The following SYT1 variants were observed in gnomAD, a reference collection of about 807,000 sequenced individuals.
SYT1 encodes the protein synaptotagmin-1.
A neutral mutation model predicts 44.8 loss-of-function variants in SYT1; 8 were observed. The ratio of observed to expected loss-of-function variants is 0.18; its 90% CI spans 0.10 to 0.32. The LOEUF (loss-of-function observed/expected upper bound fraction) is 0.32, where lower values mean the gene tolerates loss of function less well. Among genes scored for constraint, SYT1 ranks in the 10% least tolerant of loss-of-function variants. The pLI, the probability that SYT1 is intolerant of heterozygous loss-of-function variation, is 1.00. For missense variants in SYT1, 286 were observed against 509.3 expected (o/e 0.56, Z 4.22); for synonymous variants, 154 against 188.8 (o/e 0.82, Z 1.51).
chr12:78,904,425 T>A (rs551266564), intron 1 of SYT1, among the ~76,000 whole-genome samples: 1 of 152,218 alleles, frequency 6.6e-6, no homozygotes, highest in African/African-American at 2.4e-5. Context: ...TGGAAAAAAA[T>A]AATGTACTGG....
At chr12:78,917,441 T>C (rs11111879) in intron 1 of SYT1, among the ~76,000 whole-genome samples, 11,768 of 151,876 alleles carry the variant, frequency 0.077, 739 homozygotes, top group African/African-American at 0.17. Context: ...AAGGGGAACA[T>C]CACACACTGG....
intron 2 of SYT1, among the ~76,000 whole-genome samples, chr12:79,017,455 A>G (rs982632599): frequency 6.6e-6 from 1 of 152,150 alleles, no homozygotes; most frequent in African/African-American, 2.4e-5. Context: ...TAGTTCAAAA[A>G]TATAACAGAG....
chr12:79,353,426 A>C (rs371058078), intron 8 of SYT1, 76 bp from the exon 9 acceptor site: 1 of 1,138,352 alleles, frequency 8.8e-7, no homozygotes, highest in Non-Finnish European at 1.3e-6. Context: ...CTCTTGAAGA[A>C]TTTACAATAT....
At chr12:79,394,713 C>A (rs1417447848) in intron 9 of SYT1, among the ~76,000 whole-genome samples, 1 of 152,138 alleles carries the variant, frequency 6.6e-6, no homozygotes, top group East Asian at 1.9e-4. Context: ...TAATACCTAA[C>A]TAGAATTCAT....
At chr12:78,981,215 A>G (rs1016531099) in intron 2 of SYT1, among the ~76,000 whole-genome samples, 2 of 147,416 alleles carry the variant, frequency 1.4e-5, no homozygotes, top group East Asian at 2.0e-4. Context: ...GCAACCTCCA[A>G]CTCCCAGGTT....
intron 9 of SYT1, among the ~76,000 whole-genome samples, chr12:79,386,984 A>C (rs1038317940): frequency 6.6e-6 from 1 of 152,182 alleles, no homozygotes; most frequent in Non-Finnish European, 1.5e-5. Flanking sequence ...GAGCCATTCT[A>C]AACATATCTG....
chr12:79,402,506 G>A (rs958779733), intron 9 of SYT1, among the ~76,000 whole-genome samples: 4 of 152,112 alleles, frequency 2.6e-5, no homozygotes, highest in African/African-American at 7.2e-5. Context: ...TCTTGGATGG[G>A]CAGCCTAAGA....
At chr12:79,250,883 C>T (rs565752025) in intron 4 of SYT1, among the ~76,000 whole-genome samples, 37 of 152,252 alleles carry the variant, frequency 2.4e-4, no homozygotes, top group African/African-American at 8.2e-4. Flanking sequence ...CAGGTTTTAA[C>T]ATCTCTCTTA....
intron 1 of SYT1, among the ~76,000 whole-genome samples, chr12:78,889,525 G>A (rs1013405531): frequency 5.9e-5 from 9 of 151,878 alleles, no homozygotes; most frequent in Non-Finnish European, 8.8e-5. Context: ...GACTTTGTCT[G>A]GATTTAGAAA....
intron 2 of SYT1, among the ~76,000 whole-genome samples, chr12:78,999,458 G>A (rs937605726): frequency 2.6e-5 from 4 of 152,052 alleles, no homozygotes; most frequent in Admixed American, 6.5e-5. Flanking sequence ...TGATGTAAAC[G>A]GTTTCTGACA....
chr12:79,350,463 A>C (rs965228842), intron 8 of SYT1, among the ~76,000 whole-genome samples: 1 of 152,104 alleles, frequency 6.6e-6, no homozygotes, highest in African/African-American at 2.4e-5. Flanking sequence ...CGTGTTAGCC[A>C]GGATGGTCTC....
chr12:79,027,444 A>T (rs943747630), intron 2 of SYT1, among the ~76,000 whole-genome samples: 9 of 151,514 alleles, frequency 5.9e-5, no homozygotes, highest in Non-Finnish European at 1.2e-4. Context: ...AGGAGGTGTC[A>T]AAAAATAAAA....
rs142878931 is a variant in SYT1 at position 79,160,117 on chromosome 12, C to T, written c.-17-57386C>T. ...ATATTTAGAAAATAGAACTATTAGG[C>T]TTTGTTGTGCTACTGAATGCAGATG... On this transcript the variant is annotated intron_variant, in intron 3 of 10. Coordinates refer to ENST00000261205, the MANE Select transcript of SYT1 (RefSeq NM_005639.3). 1.2e-3 allele frequency among the ~76,000 whole-genome samples: 180 copies of T among 152,126 alleles called. 2 individuals are homozygous for T. The highest frequency in any genetic ancestry group is 4.0e-3 in the African/African-American group (167 of 41,514).
chr12:79,348,626 T>C (rs913754251), intron 8 of SYT1, among the ~76,000 whole-genome samples: 1 of 152,190 alleles, frequency 6.6e-6, no homozygotes, highest in African/African-American at 2.4e-5. Flanking sequence ...GTAGTATGCA[T>C]TGAATTTTGA....
chr12:78,993,867 A>T (rs1032496801), intron 2 of SYT1, among the ~76,000 whole-genome samples: 1 of 152,176 alleles, frequency 6.6e-6, no homozygotes, highest in Admixed American at 6.5e-5. Context: ...CCTCATTCTC[A>T]TACTTAACAA....
At chr12:79,240,865 G>C (rs1418004711) in intron 4 of SYT1, among the ~76,000 whole-genome samples, 2 of 152,158 alleles carry the variant, frequency 1.3e-5, no homozygotes, top group Non-Finnish European at 2.9e-5. Context: ...AAATGTAGAG[G>C]AGAATATTTT....
chr12:78,906,569 T>C (rs531144503), intron 1 of SYT1, among the ~76,000 whole-genome samples: 12 of 152,274 alleles, frequency 7.9e-5, no homozygotes, highest in Non-Finnish European at 1.6e-4. Context: ...ATGAGTTGTC[T>C]GTGGGCCACA....
intron 3 of SYT1, among the ~76,000 whole-genome samples, chr12:79,096,119 A>T (rs1878112913): frequency 6.6e-6 from 1 of 151,886 alleles, no homozygotes; most frequent in Admixed American, 6.6e-5. Context: ...GAAAGAATAG[A>T]TCATAACCTG....
intron 4 of SYT1, among the ~76,000 whole-genome samples, chr12:79,228,684 A>C (rs1875673679): frequency 6.6e-6 from 1 of 152,134 alleles, no homozygotes; most frequent in South Asian, 2.1e-4. Context: ...CATTCAAATA[A>C]AAAAATCTCA....
Sources: allele counts gnomAD v4.1 joint callset (sites outside exome capture counted in the v4.1 genomes callset), GRCh38; gene constraint gnomAD v4.1.1; transcripts MANE v1.5; gene names NCBI Gene and HGNC (gene_info 2026-07-23, HGNC 2026-07-21).